VWA8: variants seen among roughly 807,000 people sequenced by gnomAD.
VWA8 encodes the protein von Willebrand factor A domain-containing protein 8.
In VWA8, 221 loss-of-function variants were observed where a neutral mutation model predicts 241.5. The observed-to-expected ratio is 0.91, with a 90% CI of 0.82 to 1.02. The LOEUF (loss-of-function observed/expected upper bound fraction) is 1.02. VWA8 is among the 50% of genes least tolerant of loss of function. VWA8 has a pLI of 0.00. For missense variants in VWA8, 2,322 were observed against 2,328.7 expected (o/e 1.00, Z 0.06); for synonymous variants, 852 against 827.1 (o/e 1.03, Z -0.52).
intron 13 of VWA8, among the ~76,000 whole-genome samples, chr13:41,831,424 A>C (rs896173726): frequency 2.6e-5 from 4 of 152,162 alleles, no homozygotes. Flanking sequence ...CCATAACGTT[A>C]AGGCAACAGT....
At chr13:41,681,934 A>G (rs946647948) in intron 35 of VWA8, among the ~76,000 whole-genome samples, 1 of 152,214 alleles carries the variant, frequency 6.6e-6, no homozygotes. Context: ...AAGAAGTCGG[A>G]GAGTTATGTA....
At chr13:41,824,101 C>A (rs7984384) in intron 14 of VWA8, among the ~76,000 whole-genome samples, 1 of 152,050 alleles carries the variant, frequency 6.6e-6, no homozygotes, top group African/African-American at 2.4e-5. Flanking sequence ...AATTTACCAA[C>A]TGGGTCTAGA....
intron 2 of VWA8, among the ~76,000 whole-genome samples, chr13:41,930,708 G>T (rs1877063957): frequency 6.6e-6 from 1 of 152,142 alleles, no homozygotes; most frequent in Admixed American, 6.5e-5. Context: ...ACGTGTATAA[G>T]ATATACATTA....
At chr13:41,600,589 A>T (rs1485827003) in intron 40 of VWA8, among the ~76,000 whole-genome samples, 1 of 152,134 alleles carries the variant, frequency 6.6e-6, no homozygotes, top group Non-Finnish European at 1.5e-5. Context: ...CCATATAAAC[A>T]TGAAACCCTA....
intron 4 of VWA8, among the ~76,000 whole-genome samples, chr13:41,896,284 A>G (rs1435703347): frequency 6.6e-6 from 1 of 152,094 alleles, no homozygotes; most frequent in Non-Finnish European, 1.5e-5. Flanking sequence ...TTTAAAATAT[A>G]AGAAAAGTAC....
intron 12 of VWA8, among the ~76,000 whole-genome samples, chr13:41,835,959 A>C (rs1871704901): frequency 6.6e-6 from 1 of 152,202 alleles, no homozygotes; most frequent in African/African-American, 2.4e-5. Flanking sequence ...CATTATCAGA[A>C]ACAGGTGGGG....
intron 5 of VWA8, among the ~76,000 whole-genome samples, chr13:41,887,872 C>T (rs1874624160): frequency 6.6e-6 from 1 of 152,098 alleles, no homozygotes; most frequent in Admixed American, 6.5e-5. Flanking sequence ...TAACTTTCAC[C>T]AGAATCCAAT....
intron 42 of VWA8, among the ~76,000 whole-genome samples, chr13:41,584,220 A>G (rs1433183552): frequency 1.3e-5 from 2 of 152,194 alleles, no homozygotes; most frequent in Non-Finnish European, 2.9e-5. Context: ...AAAGTTTAAA[A>G]ATGAAACCAA....
intron 37 of VWA8, among the ~76,000 whole-genome samples, chr13:41,664,024 C>A (rs549849287): frequency 6.6e-6 from 1 of 151,852 alleles, no homozygotes; most frequent in East Asian, 2.0e-4. Context: ...TTTTGCCCAA[C>A]TGGGAATTAC....
chr13:41,643,811 G>C (rs568412511), intron 37 of VWA8, among the ~76,000 whole-genome samples: 3 of 151,906 alleles, frequency 2.0e-5, no homozygotes, highest in East Asian at 3.9e-4. Context: ...TTTTCTAACC[G>C]GTTTGCCCAG....
intron 2 of VWA8, among the ~76,000 whole-genome samples, chr13:41,914,049 C>T (rs965152044): frequency 1.3e-5 from 2 of 152,212 alleles, no homozygotes; most frequent in African/African-American, 2.4e-5. Context: ...CAAGACCAGC[C>T]TGGCCCACAT....
At position 41,761,164 on chromosome 13, in the gene VWA8, A is replaced by G. The variant is rs771452922; in HGVS notation, c.2390T>C (p.Leu797Pro). 7 of 1,611,868 alleles carry G rather than the reference A, an allele frequency of 4.3e-6. No individual in the cohort carries two copies. In the East Asian group the frequency reaches 1.3e-4, roughly 31 times the overall value. ...KNKIVDRFLH[L>P]LNRPREYIQL... ...AATATATTCTCGGGGTCTGTTGAGC[A>G]GGTGAAGGAATCTGTCAACAATCTT... The change falls in exon 21 of 45, where the codon CTG becomes CCG. Residue 797 changes from leucine to proline, a missense_variant. Leu to Pro is a moderately conservative substitution (Grantham distance 98, BLOSUM62 -3). Coordinates refer to ENST00000379310, the MANE Select transcript of VWA8 (RefSeq NM_015058.2).
At chr13:41,570,403 C>T in intron 44 of VWA8, 65 bp downstream of exon 44, 1 of 1,427,280 alleles carries the variant, frequency 7.0e-7, no homozygotes, top group South Asian at 1.2e-5. Context: ...GCCTATAAAA[C>T]AGCATGTGTT....
At chr13:41,772,066 T>A (rs551615140) in intron 20 of VWA8, among the ~76,000 whole-genome samples, 91 of 151,856 alleles carry the variant, frequency 6.0e-4, no homozygotes, top group African/African-American at 2.0e-3. Flanking sequence ...AATTTTGTAT[T>A]TTTGGTAGAG....
chr13:41,603,204 T>C (rs2044532795), intron 40 of VWA8, among the ~76,000 whole-genome samples: 1 of 152,180 alleles, frequency 6.6e-6, no homozygotes, highest in Non-Finnish European at 1.5e-5. Context: ...AGAGTTTTCA[T>C]TCATTCCTCT....
intron 32 of VWA8, 107 bp from the exon 33 acceptor site, chr13:41,690,382 C>A: frequency 1.1e-6 from 1 of 906,764 alleles, no homozygotes; most frequent in Non-Finnish European, 1.6e-6. Flanking sequence ...TTTTATAGTT[C>A]CAGTATAATT....
intron 12 of VWA8, among the ~76,000 whole-genome samples, chr13:41,856,153 T>C (rs541146186): frequency 2.0e-5 from 3 of 152,156 alleles, no homozygotes; most frequent in East Asian, 3.9e-4. Context: ...CTGGCCAATA[T>C]GGTAAAACCC....
intron 2 of VWA8, among the ~76,000 whole-genome samples, chr13:41,927,501 T>C (rs1164819791): frequency 6.6e-6 from 1 of 152,160 alleles, no homozygotes; most frequent in African/African-American, 2.4e-5. Flanking sequence ...TAAGAATTTC[T>C]TTTTATTCCT....
intron 37 of VWA8, among the ~76,000 whole-genome samples, chr13:41,625,425 A>T (rs967324919): frequency 6.6e-6 from 1 of 152,262 alleles, no homozygotes; most frequent in Non-Finnish European, 1.5e-5. Context: ...GGCAAAGGAT[A>T]TGAACAGACA....
Sources: gnomAD v4.1 joint callset for allele counts (sites outside exome capture counted in the v4.1 genomes callset) on GRCh38, gnomAD v4.1.1 for gene constraint, MANE v1.5 for transcripts, NCBI Gene and HGNC (gene_info 2026-07-23, HGNC 2026-07-21) for gene names.